Variants in CTNNA2 observed in about 807,000 individuals in gnomAD.
The protein encoded by CTNNA2 is catenin alpha 2.
In CTNNA2, 42 loss-of-function variants were observed where a neutral mutation model predicts 101.0. The observed-to-expected ratio is 0.42, with a 90% CI of 0.32 to 0.54. CTNNA2 has a LOEUF of 0.54. Ranked by LOEUF, CTNNA2 falls within the 20% of genes least tolerant of loss-of-function variation. The probability of loss-of-function intolerance (pLI) is 0.14; values close to 1 mark genes in which losing one functional copy is unlikely to be tolerated. For missense variants in CTNNA2, 871 were observed against 1,223.1 expected (o/e 0.71, Z 4.29); for synonymous variants, 450 against 456.4 (o/e 0.99, Z 0.18).
chr2:79,860,801 C>T (rs140984472), intron 4 of CTNNA2, among the ~76,000 whole-genome samples: 1 of 152,006 alleles, frequency 6.6e-6, no homozygotes, highest in African/African-American at 2.4e-5. Flanking sequence ...GCCCCTACCC[C>T]CTAAAAGACA....
At chr2:79,616,936 C>G (rs1678663996) in intron 1 of CTNNA2, among the ~76,000 whole-genome samples, 1 of 150,314 alleles carries the variant, frequency 6.7e-6, no homozygotes, top group South Asian at 2.2e-4. Flanking sequence ...CAGTCTTGCT[C>G]CGTCACCCAG....
chr2:79,503,663 T>C (rs1456329266), intron 4 of CTNNA2, among the ~76,000 whole-genome samples: 1 of 152,238 alleles, frequency 6.6e-6, no homozygotes, highest in Non-Finnish European at 1.5e-5. Context: ...TCATATATGA[T>C]ATTGTTTTAC....
chr2:79,285,511 A>G, intron 2 of CTNNA2, among the ~76,000 whole-genome samples: 1 of 139,836 alleles, frequency 7.2e-6, no homozygotes. Flanking sequence ...TTCGTTATGT[A>G]CCCAGTAGTC....
At chr2:79,434,460 G>A (rs1286116594) in intron 4 of CTNNA2, among the ~76,000 whole-genome samples, 2 of 152,116 alleles carry the variant, frequency 1.3e-5, no homozygotes, top group African/African-American at 4.8e-5. Context: ...TAATCTAGCT[G>A]GAGTTCAAAG....
intron 7 of CTNNA2, among the ~76,000 whole-genome samples, chr2:79,933,176 A>G (rs1034292826): frequency 2.6e-5 from 4 of 152,172 alleles, no homozygotes; most frequent in African/African-American, 9.7e-5. Flanking sequence ...TTTATTGAGC[A>G]ACCTCTGTGT....
chr2:79,858,320 A>T (rs922258823), intron 4 of CTNNA2, 141 bp downstream of exon 4: 10 of 462,668 alleles, frequency 2.2e-5, no homozygotes, highest in Non-Finnish European at 3.4e-5. Flanking sequence ...CCCACGTCCA[A>T]TTTTTTCTAA....
rs1692971469 is a variant in CTNNA2 at position 80,555,700 on chromosome 2, C to T, written c.1548C>T (p.His516=). ...VDDFLSVSEN[H]ILEDVNKCVI... is the part of the protein sequence containing the mutation. ...TATGTGTCCTCTCCATAGAAAATCA[C>T]ATCTTGGAGGATGTGAACAAGTGTG... Residue 516 remains histidine (H), a synonymous_variant, in exon 12 of 19, where the codon CAC becomes CAT. Coordinates refer to ENST00000402739, the MANE Select transcript of CTNNA2 (RefSeq NM_001282597.3). The T allele has an allele frequency of 2.6e-6, 4 of 1,518,978 alleles. No homozygotes were observed. Among genetic ancestry groups the T allele is most frequent in the Non-Finnish European group, 1.8e-6 (2 of 1,130,712 alleles). The allele number at this position is 1,518,978 out of a possible 1,614,324, so 94.1% of individuals were successfully genotyped here.
intron 2 of CTNNA2, among the ~76,000 whole-genome samples, chr2:79,229,060 G>A (rs1674457002): frequency 6.6e-6 from 1 of 152,156 alleles, no homozygotes; most frequent in Admixed American, 6.6e-5. Flanking sequence ...AAGGTCAAAA[G>A]TATGTAGTCA....
chr2:80,444,732 T>A (rs2149446943), intron 9 of CTNNA2, among the ~76,000 whole-genome samples: 1 of 152,278 alleles, frequency 6.6e-6, no homozygotes, highest in Non-Finnish European at 1.5e-5. Flanking sequence ...CTCTCTACCT[T>A]GTGAGGACAT....
At chr2:79,793,524 T>C (rs960143836) in intron 3 of CTNNA2, among the ~76,000 whole-genome samples, 1 of 152,190 alleles carries the variant, frequency 6.6e-6, no homozygotes, top group South Asian at 2.1e-4. Flanking sequence ...GAGATGTTAT[T>C]TTTATTATAG....
chr2:80,612,911 T>C (rs922568517), intron 17 of CTNNA2: 7 of 151,624 alleles, frequency 4.6e-5, no homozygotes, highest in Non-Finnish European at 8.9e-5. Flanking sequence ...TTCTAGGAAT[T>C]CATAGCAGTT....
chr2:80,547,891 C>T (rs1296018993), intron 11 of CTNNA2, among the ~76,000 whole-genome samples: 1 of 151,838 alleles, frequency 6.6e-6, no homozygotes, highest in African/African-American at 2.4e-5. Flanking sequence ...GGGGTTTCTC[C>T]GTGTTGGTCA....
intron 1 of CTNNA2, among the ~76,000 whole-genome samples, chr2:79,582,603 C>A (rs955322686): frequency 4.6e-5 from 7 of 152,150 alleles, no homozygotes; most frequent in African/African-American, 1.7e-4. Context: ...AATGCTCAAA[C>A]CACAATTAGA....
intron 18 of CTNNA2, among the ~76,000 whole-genome samples, chr2:80,641,967 G>T (rs1411557132): frequency 6.6e-6 from 1 of 151,968 alleles, no homozygotes; most frequent in Non-Finnish European, 1.5e-5. Flanking sequence ...AAACAATTGG[G>T]AAGATCAATA....
chr2:80,227,334 T>C (rs1324968043), intron 7 of CTNNA2, among the ~76,000 whole-genome samples: 2 of 152,196 alleles, frequency 1.3e-5, no homozygotes, highest in African/African-American at 4.8e-5. Flanking sequence ...CAAAATATTT[T>C]CTGACTTATT....
intron 1 of CTNNA2, among the ~76,000 whole-genome samples, chr2:79,518,001 G>A (rs1671895898): frequency 6.6e-6 from 1 of 152,112 alleles, no homozygotes; most frequent in Non-Finnish European, 1.5e-5. Flanking sequence ...TGAATTAATT[G>A]TGTTTTCTCT....
intron 1 of CTNNA2, among the ~76,000 whole-genome samples, chr2:79,516,895 T>TTATTGTATTGTATTG (rs1287215974): frequency 6.6e-6 from 1 of 152,192 alleles, no homozygotes. Context: ...ATAACTAAAA[T>TTATTGTATTGTATTG]TATTGTATTT....
At chr2:79,483,185 A>C (rs1484979125) in intron 4 of CTNNA2, among the ~76,000 whole-genome samples, 1 of 152,360 alleles carries the variant, frequency 6.6e-6, no homozygotes, top group South Asian at 2.1e-4. Context: ...TGACACAGTG[A>C]AAAGAAATAT....
intron 7 of CTNNA2, among the ~76,000 whole-genome samples, chr2:80,161,574 A>G (rs1704321470): frequency 6.6e-6 from 1 of 152,202 alleles, no homozygotes; most frequent in Admixed American, 6.5e-5. Context: ...AGTCTCCATT[A>G]CATGTGTCTT....
Sources: allele counts gnomAD v4.1 joint callset (sites outside exome capture counted in the v4.1 genomes callset), GRCh38; gene constraint gnomAD v4.1.1; transcripts MANE v1.5; gene names NCBI Gene and HGNC (gene_info 2026-07-23, HGNC 2026-07-21).